GRID1: variants seen among roughly 807,000 people sequenced by gnomAD.
GRID1 encodes the protein glutamate ionotropic receptor delta type subunit 1.
GRID1 carries 28 observed loss-of-function variants against 98.0 expected under a neutral mutation model. The ratio of observed to expected loss-of-function variants is 0.29; its 90% CI spans 0.21 to 0.39. The LOEUF is 0.39. Among genes scored for constraint, GRID1 ranks in the 10% least tolerant of loss-of-function variants. The pLI is 1.00. For synonymous variants in GRID1, 553 were observed against 538.5 expected (o/e 1.03, Z -0.37); for missense variants, 1,111 against 1,340.5 (o/e 0.83, Z 2.67).
intron 3 of GRID1, among the ~76,000 whole-genome samples, chr10:86,178,311 GC>G (rs1310772239): frequency 6.6e-6 from 1 of 152,138 alleles, no homozygotes; most frequent in Non-Finnish European, 1.5e-5. Flanking sequence ...TTTGGACACA[GC>G]CCCAAACCTT....
chr10:86,056,518 G>A (rs1291468913), intron 4 of GRID1, among the ~76,000 whole-genome samples: 1 of 152,150 alleles, frequency 6.6e-6, no homozygotes, highest in Non-Finnish European at 1.5e-5. Context: ...ATCTGCTTAT[G>A]AATTCCTACT....
intron 4 of GRID1, among the ~76,000 whole-genome samples, chr10:85,997,397 T>A (rs1342283132): frequency 1.3e-4 from 17 of 135,212 alleles, no homozygotes; most frequent in Admixed American, 1.2e-3. Flanking sequence ...AGACTCCATC[T>A]CAAAAAAAAA....
At chr10:85,604,168 C>T (rs1842622277) in intron 15 of GRID1, among the ~76,000 whole-genome samples, 1 of 152,188 alleles carries the variant, frequency 6.6e-6, no homozygotes, top group Non-Finnish European at 1.5e-5. Flanking sequence ...CTCCTTGCCT[C>T]AATGTCCCCT....
chr10:86,110,194 G>A (rs1033438541), intron 4 of GRID1, among the ~76,000 whole-genome samples: 9 of 151,982 alleles, frequency 5.9e-5, no homozygotes, highest in African/African-American at 2.2e-4. Flanking sequence ...GGCTGATCTC[G>A]AAATCCTGAC....
chr10:85,726,660 G>A (rs1841763140), intron 10 of GRID1, among the ~76,000 whole-genome samples: 1 of 152,094 alleles, frequency 6.6e-6, no homozygotes, highest in African/African-American at 2.4e-5. Flanking sequence ...GAAAGAACCA[G>A]ACACAAAAGA....
rs1028796340 is a variant in GRID1, at chr10:85,723,009, G to A, written c.1991C>T (p.Pro664Leu). The change falls in exon 12 of 16, where the codon CCC (proline) becomes CTC (leucine). Residue 664 changes from proline (P) to leucine (L), a missense_variant. Physicochemically the swap from Pro to Leu is moderately conservative, Grantham distance 98. Around this residue, in one of 3 missense-constraint regions of GRID1, gnomAD observed 762 missense variants for 869.1 expected, o/e 0.88. Coordinates refer to ENST00000327946, the MANE Select transcript of GRID1 (RefSeq NM_017551.3). Reference protein sequence around the residue: ...AFLTVSRMDNPIRTFQDLSKQ... With the variant: ...AFLTVSRMDNLIRTFQDLSKQ... ...CAAGGAGGAATAGGCTTACCTTATG[G>A]GGTTGTCCATCCTGGACACTGTGAG... is the stretch of plus-strand genomic sequence containing the variant. The A allele has an allele frequency of 3.1e-6, 5 of 1,609,144 alleles. No homozygotes were observed. Among genetic ancestry groups the A allele is most frequent in the African/African-American group, 1.3e-5 (1 of 74,838 alleles).
chr10:85,962,113 C>T (rs1484419155), intron 4 of GRID1, among the ~76,000 whole-genome samples: 16 of 152,150 alleles, frequency 1.1e-4, no homozygotes, highest in Non-Finnish European at 1.5e-5. Context: ...TTGGGCCACT[C>T]GCTCTCCTTT....
At chr10:86,147,583 AATG>A (rs1845106484) in intron 3 of GRID1, among the ~76,000 whole-genome samples, 1 of 152,198 alleles carries the variant, frequency 6.6e-6, no homozygotes, top group African/African-American at 2.4e-5. Context: ...AAAAACAAGC[AATG>A]GGGAAAGGAC....
At chr10:86,194,367 G>A (rs1441037345) in intron 3 of GRID1, among the ~76,000 whole-genome samples, 1 of 152,062 alleles carries the variant, frequency 6.6e-6, no homozygotes, top group Non-Finnish European at 1.5e-5. Flanking sequence ...GAACCAAGTG[G>A]GCAATATGGA....
chr10:86,058,612 A>C (rs1408278191), intron 4 of GRID1, among the ~76,000 whole-genome samples: 1 of 152,170 alleles, frequency 6.6e-6, no homozygotes, highest in Non-Finnish European at 1.5e-5. Flanking sequence ...ATCTGTGCAA[A>C]ATGACAGAAA....
intron 2 of GRID1, among the ~76,000 whole-genome samples, chr10:86,327,180 G>A (rs1281499852): frequency 6.6e-6 from 1 of 152,182 alleles, no homozygotes; most frequent in African/African-American, 2.4e-5. Context: ...AAGTCATCCT[G>A]CGAAAATGAA....
intron 4 of GRID1, among the ~76,000 whole-genome samples, chr10:86,033,051 A>C (rs1843209027): frequency 6.6e-6 from 1 of 151,988 alleles, no homozygotes; most frequent in Admixed American, 6.5e-5. Flanking sequence ...CAGAAACTTA[A>C]GCTTTCCAAG....
chr10:86,247,373 A>G lies in GRID1; in HGVS notation c.236-40725T>C, dbSNP rs541030685. ...GAAAGACAGAGGGATGGACAGATGG[A>G]TGGATGGATGGATGATGGATGAATG... On this transcript the variant is annotated intron_variant, in intron 2 of 15. Transcript: ENST00000327946. Among the ~76,000 whole-genome samples, 3 of 152,144 alleles carry G rather than the reference A, an allele frequency of 2.0e-5. No homozygotes were observed. In the South Asian group the frequency reaches 6.2e-4, roughly 32 times the overall value.
chr10:85,700,862 T>C (rs1352953707), intron 12 of GRID1, among the ~76,000 whole-genome samples: 3 of 152,202 alleles, frequency 2.0e-5, no homozygotes, highest in Admixed American at 6.5e-5. Flanking sequence ...TTAAGGAATG[T>C]ATAGATTCCT....
intron 2 of GRID1, among the ~76,000 whole-genome samples, chr10:86,308,052 T>G (rs1191279003): frequency 1.3e-5 from 2 of 151,976 alleles, no homozygotes; most frequent in Non-Finnish European, 2.9e-5. Flanking sequence ...AACAGCCCCC[T>G]ACATCCCCTC....
intron 2 of GRID1, among the ~76,000 whole-genome samples, chr10:86,299,036 T>A (rs1301777372): frequency 6.6e-6 from 1 of 152,014 alleles, no homozygotes; most frequent in African/African-American, 2.4e-5. Context: ...CCTATTCCAT[T>A]CCACCCCCAC....
At chr10:85,735,360 T>A (rs1841868423) in intron 8 of GRID1, among the ~76,000 whole-genome samples, 1 of 152,086 alleles carries the variant, frequency 6.6e-6, no homozygotes, top group Non-Finnish European at 1.5e-5. Context: ...GAGCCAGAGG[T>A]TATAGCACAA....
At chr10:85,691,119 C>T (rs1405343181) in intron 12 of GRID1, among the ~76,000 whole-genome samples, 2 of 152,180 alleles carry the variant, frequency 1.3e-5, no homozygotes, top group Non-Finnish European at 1.5e-5. Context: ...AAGTGACCAT[C>T]TAAAATCACA....
intron 8 of GRID1, among the ~76,000 whole-genome samples, chr10:85,734,982 T>A (rs531958586): frequency 6.6e-6 from 1 of 152,290 alleles, no homozygotes; most frequent in South Asian, 2.1e-4. Context: ...CCACTCTGAA[T>A]GCTCAGGAAA....
Sources: gnomAD v4.1 joint callset for allele counts (sites outside exome capture counted in the v4.1 genomes callset) on GRCh38, gnomAD v4.1.1 for gene constraint, gnomAD v4.1.1 regional missense constraint, MANE v1.5 for transcripts, NCBI Gene and HGNC (gene_info 2026-07-23, HGNC 2026-07-21) for gene names.